The following PPP4R3B variants were observed in gnomAD, a reference collection of about 807,000 sequenced individuals.
PPP4R3B encodes protein phosphatase 4 regulatory subunit 3B.
A neutral mutation model predicts 95.4 loss-of-function variants in PPP4R3B; 52 were observed. The observed-to-expected ratio is 0.54, with a 90% CI of 0.44 to 0.69. PPP4R3B has a LOEUF of 0.69. Ranked by LOEUF, PPP4R3B falls within the 30% of genes least tolerant of loss-of-function variation. The pLI is 0.00. For synonymous variants in PPP4R3B, 407 were observed against 343.9 expected (o/e 1.18, Z -2.03); for missense variants, 1,003 against 1,005.9 (o/e 1.00, Z 0.04).
intron 16 of PPP4R3B, 52 bp from the exon 17 acceptor site, chr2:55,550,058 C>A: frequency 8.7e-7 from 1 of 1,154,540 alleles, no homozygotes; most frequent in Non-Finnish European, 1.3e-6. Flanking sequence ...CAAAAAAGAG[C>A]TTTTAGTACA....
chr2:55,569,280 G>A (rs1045058027), intron 12 of PPP4R3B, among the ~76,000 whole-genome samples: 2 of 152,020 alleles, frequency 1.3e-5, no homozygotes, highest in African/African-American at 4.8e-5. Context: ...TAGTGTCAAG[G>A]AAAAACACCT....
chr2:55,584,338 C>CT (rs1195146647), intron 7 of PPP4R3B, among the ~76,000 whole-genome samples: 1 of 151,752 alleles, frequency 6.6e-6, no homozygotes, highest in Non-Finnish European at 1.5e-5. Flanking sequence ...ATTAAACTGT[C>CT]TTTTTTTTAA....
chr2:55,583,676 T>A (rs573774814), intron 7 of PPP4R3B, among the ~76,000 whole-genome samples: 2 of 152,340 alleles, frequency 1.3e-5, no homozygotes, highest in South Asian at 4.1e-4. Flanking sequence ...AAATGATTAA[T>A]AAAGTAGGCA....
intron 15 of PPP4R3B, among the ~76,000 whole-genome samples, chr2:55,560,778 GAAAAAA>G (rs545517387): frequency 2.1e-4 from 19 of 91,414 alleles, no homozygotes; most frequent in African/African-American, 6.5e-4. Flanking sequence ...CTCCATCTCA[GAAAAAA>G]AAAAAAAAAA....
intron 2 of PPP4R3B, among the ~76,000 whole-genome samples, chr2:55,607,026 T>C (rs1693509532): frequency 6.6e-6 from 1 of 152,144 alleles, no homozygotes; most frequent in Non-Finnish European, 1.5e-5. Flanking sequence ...AAGGCACCTA[T>C]CCATTTTGTT....
intron 11 of PPP4R3B, 141 bp downstream of exon 11, chr2:55,577,174 G>C: frequency 9.5e-7 from 1 of 1,056,194 alleles, no homozygotes; most frequent in Non-Finnish European, 1.3e-6. Context: ...GGAGATAGTG[G>C]AATTACAAAA....
intron 15 of PPP4R3B, among the ~76,000 whole-genome samples, chr2:55,560,812 G>A (rs559603279): frequency 2.5e-4 from 29 of 116,024 alleles, no homozygotes; most frequent in African/African-American, 7.5e-4. Flanking sequence ...AAAAAAAAAA[G>A]AGGCCTTCTG....
intron 12 of PPP4R3B, among the ~76,000 whole-genome samples, chr2:55,571,128 G>A (rs1687943508): frequency 1.3e-5 from 2 of 152,244 alleles, no homozygotes; most frequent in Admixed American, 1.3e-4. Flanking sequence ...GGCCAACATG[G>A]TGAAACCCCA....
intron 7 of PPP4R3B, among the ~76,000 whole-genome samples, 164 bp from the exon 8 acceptor site, chr2:55,581,862 T>C (rs1268188543): frequency 7.1e-6 from 1 of 140,304 alleles, no homozygotes; most frequent in African/African-American, 2.7e-5. Flanking sequence ...GAAAGTTCTA[T>C]AAAATACTAC....
chr2:55,583,302 T>G (rs13015030), intron 7 of PPP4R3B, among the ~76,000 whole-genome samples: 34,722 of 151,870 alleles, frequency 0.23, 4,106 homozygotes, highest in East Asian at 0.35. Context: ...CAACACAGTT[T>G]TAAAAATGTA....
chr2:55,599,457 T>A (rs1014745016), intron 3 of PPP4R3B, among the ~76,000 whole-genome samples: 1 of 151,906 alleles, frequency 6.6e-6, no homozygotes, highest in Non-Finnish European at 1.5e-5. Context: ...AATAAAAAAT[T>A]AAAATAAAAT....
intron 6 of PPP4R3B, among the ~76,000 whole-genome samples, chr2:55,586,189 A>C (rs2104307169): frequency 6.6e-6 from 1 of 152,300 alleles, no homozygotes; most frequent in Admixed American, 6.5e-5. Flanking sequence ...TTTTAAATGA[A>C]TGCTTTAAAA....
At chr2:55,603,572 TA>T (rs1465211611) in intron 3 of PPP4R3B, among the ~76,000 whole-genome samples, 1 of 152,224 alleles carries the variant, frequency 6.6e-6, no homozygotes, top group Non-Finnish European at 1.5e-5. Context: ...AAGTTCCACA[TA>T]AACTGAAGTC....
At chr2:55,610,918 TGCGGTA>T (rs1388411511) in intron 2 of PPP4R3B, among the ~76,000 whole-genome samples, 1 of 145,150 alleles carries the variant, frequency 6.9e-6, no homozygotes, top group Non-Finnish European at 1.5e-5. Context: ...CAGGCTGGAG[TGCGGTA>T]GCACAGTAAC....
At chr2:55,565,609 T>C (rs1361066675) in intron 13 of PPP4R3B, 1 of 152,228 alleles carries the variant, frequency 6.6e-6, no homozygotes, top group Non-Finnish European at 1.5e-5. Flanking sequence ...AATACATCTG[T>C]ATAATATTAT....
At chr2:55,585,496 G>T (rs1559002189) in intron 6 of PPP4R3B, among the ~76,000 whole-genome samples, 1 of 152,132 alleles carries the variant, frequency 6.6e-6, no homozygotes, top group Non-Finnish European at 1.5e-5. Flanking sequence ...TTAAATATAT[G>T]TAAAAATTTG....
chr2:55,552,272 T>C (rs1304784219), intron 16 of PPP4R3B, among the ~76,000 whole-genome samples: 1 of 152,242 alleles, frequency 6.6e-6, no homozygotes, highest in East Asian at 1.9e-4. Context: ...AGAAATGTAC[T>C]GTTTTAAAAT....
chr2:55,598,533 C>G lies in PPP4R3B; in HGVS notation c.804G>C (p.Arg268Ser). The change falls in exon 4 of 17, where the codon AGG becomes AGC. Residue 268 changes from arginine (R) to serine (S), a missense_variant. Physicochemically the swap from Arg to Ser is moderately radical, Grantham distance 110. Coordinates refer to ENST00000616407, the MANE Select transcript of PPP4R3B (RefSeq NM_001122964.3). ...ELRQKIHQTY[R>S]VQYIQDIILP... ...AAATGATGTCCTGAATGTACTGTAC[C>G]CTGTAAGTCTGATGTATTTTTTGCC... 6.2e-7 allele frequency: 1 copy of G among 1,613,888 alleles called. No homozygotes were observed. The highest frequency in any genetic ancestry group is 8.5e-7 in the Non-Finnish European group (1 of 1,179,992).
At chr2:55,579,448 C>T (rs1017055963) in intron 9 of PPP4R3B, among the ~76,000 whole-genome samples, 2 of 152,040 alleles carry the variant, frequency 1.3e-5, no homozygotes, top group African/African-American at 4.8e-5. Context: ...GAGAAACTTC[C>T]GTAGCAACAA....
Sources: gnomAD v4.1 joint callset for allele counts (sites outside exome capture counted in the v4.1 genomes callset) on GRCh38, gnomAD v4.1.1 for gene constraint, MANE v1.5 for transcripts, NCBI Gene and HGNC (gene_info 2026-07-23, HGNC 2026-07-21) for gene names.